GALNT16: variants seen among roughly 807,000 people sequenced by gnomAD.
The protein encoded by GALNT16 is UDP-GalNAc:polypeptide N-acetylgalactosaminyltransferase-like protein 1.
GALNT16 carries 40 observed loss-of-function variants against 76.1 expected under a neutral mutation model. That is an observed-to-expected ratio of 0.53 (90% confidence interval 0.41 to 0.68). The LOEUF (loss-of-function observed/expected upper bound fraction) is 0.68, where lower values mean the gene tolerates loss of function less well. GALNT16 is among the 30% of genes least tolerant of loss of function. The probability of loss-of-function intolerance (pLI) is 0.00; values close to 1 mark genes in which losing one functional copy is unlikely to be tolerated. For synonymous variants in GALNT16, 276 were observed against 285.2 expected (o/e 0.97, Z 0.32); for missense variants, 621 against 731.9 (o/e 0.85, Z 1.75).
intron 1 of GALNT16, among the ~76,000 whole-genome samples, chr14:69,275,248 C>A (rs1566860677): frequency 1.3e-5 from 2 of 152,276 alleles, no homozygotes; most frequent in Admixed American, 6.5e-5. Context: ...CAAAGTAGAA[C>A]CCCTGAGGTC....
At chr14:69,262,621 G>T (rs2140094192) in intron 1 of GALNT16, among the ~76,000 whole-genome samples, 1 of 152,278 alleles carries the variant, frequency 6.6e-6, no homozygotes, top group Non-Finnish European at 1.5e-5. Context: ...GAAGTCCCTG[G>T]GAGTGGCAGA....
At chr14:69,378,584 T>C in the GALNT16 span, among the ~76,000 whole-genome samples, 475 of 152,324 alleles carry the variant, frequency 3.1e-3, 4 homozygotes, top group African/African-American at 0.011. Flanking sequence ...AAATGTTTCT[T>C]TGTATTTATT....
At chr14:69,306,710 A>G (rs1228812472) in intron 1 of GALNT16, among the ~76,000 whole-genome samples, 2 of 152,194 alleles carry the variant, frequency 1.3e-5, no homozygotes, top group African/African-American at 4.8e-5. Flanking sequence ...ATACTTTCCA[A>G]AGGTTAAACT....
intron 12 of GALNT16, 87 bp from the exon 13 acceptor site, chr14:69,346,953 G>C (rs1007618916): frequency 6.4e-7 from 1 of 1,551,846 alleles, no homozygotes; most frequent in African/African-American, 1.4e-5. Context: ...GGCGCTCCCA[G>C]AGCTGATAGG....
intron 1 of GALNT16, among the ~76,000 whole-genome samples, chr14:69,285,057 T>TTTTTTAG (rs1357977014): frequency 6.6e-6 from 1 of 150,672 alleles, no homozygotes. Flanking sequence ...TTTTTTTTTT[T>TTTTTTAG]TGAGACGGAG....
intron 1 of GALNT16, among the ~76,000 whole-genome samples, chr14:69,262,247 G>T (rs2044285402): frequency 6.6e-6 from 1 of 152,220 alleles, no homozygotes. Context: ...GAGCACAGGA[G>T]ACTGCTGCTC....
the GALNT16 span, among the ~76,000 whole-genome samples, chr14:69,382,791 AAAG>A: frequency 2.1e-5 from 3 of 140,050 alleles, no homozygotes; most frequent in African/African-American, 7.9e-5. Flanking sequence ...TCTATCTCCA[AAAG>A]AAAAAAAAAA....
chr14:69,351,133 A>G (rs36088452), intron 14 of GALNT16: 36,577 of 152,224 alleles, frequency 0.24, 4,530 homozygotes, highest in South Asian at 0.32. Context: ...CAAAGAAGGC[A>G]GCTTCCCACT....
At chr14:69,330,978 T>C (rs565417299) in intron 6 of GALNT16, among the ~76,000 whole-genome samples, 1 of 152,262 alleles carries the variant, frequency 6.6e-6, no homozygotes, top group South Asian at 2.1e-4. Flanking sequence ...GCCCCTGCCC[T>C]CCAGCTGCTA....
At chr14:69,279,207 C>T (rs2044509600) in intron 1 of GALNT16, among the ~76,000 whole-genome samples, 2 of 152,232 alleles carry the variant, frequency 1.3e-5, no homozygotes, top group African/African-American at 2.4e-5. Context: ...GCTGAGATTA[C>T]AGGCGTGAGC....
the GALNT16 span, among the ~76,000 whole-genome samples, chr14:69,377,405 G>T: frequency 6.6e-6 from 1 of 152,016 alleles, no homozygotes; most frequent in Non-Finnish European, 1.5e-5. Flanking sequence ...ATCTCAAAGG[G>T]TTGCTGTGAT....
intron 1 of GALNT16, among the ~76,000 whole-genome samples, chr14:69,297,343 G>GT (rs1288236490): frequency 1.3e-5 from 2 of 152,080 alleles, no homozygotes; most frequent in Admixed American, 6.5e-5. Flanking sequence ...TAATAGTTCT[G>GT]TTTTTTAGCT....
intron 12 of GALNT16, among the ~76,000 whole-genome samples, chr14:69,344,231 G>C (rs1468550607): frequency 6.6e-6 from 1 of 152,264 alleles, no homozygotes; most frequent in Non-Finnish European, 1.5e-5. Context: ...GCTGGCCTCA[G>C]GAACTGCTAA....
intron 1 of GALNT16, among the ~76,000 whole-genome samples, chr14:69,289,174 A>G (rs1043450667): frequency 6.6e-6 from 1 of 152,176 alleles, no homozygotes; most frequent in African/African-American, 2.4e-5. Flanking sequence ...CACCATACCC[A>G]GTCAAATAGA....
intron 6 of GALNT16, among the ~76,000 whole-genome samples, chr14:69,330,408 CG>C (rs1566883356): frequency 6.6e-6 from 1 of 152,124 alleles, no homozygotes; most frequent in African/African-American, 2.4e-5. Flanking sequence ...GGTTTCTTGT[CG>C]GGGTGGTGAA....
intron 1 of GALNT16, among the ~76,000 whole-genome samples, chr14:69,312,259 AT>A (rs1298717494): frequency 2.0e-5 from 3 of 151,986 alleles, no homozygotes; most frequent in East Asian, 1.9e-4. Context: ...TCTAAAAAAA[AT>A]TTTTTTTAAA....
chr14:69,267,328 C>T (rs910233229), intron 1 of GALNT16, among the ~76,000 whole-genome samples: 4 of 152,108 alleles, frequency 2.6e-5, no homozygotes, highest in South Asian at 2.1e-4. Context: ...AAAGAGGGGG[C>T]GACTGGAAGA....
At chr14:69,337,251 C>T (rs1023188779) in intron 9 of GALNT16, among the ~76,000 whole-genome samples, 1 of 151,938 alleles carries the variant, frequency 6.6e-6, no homozygotes, top group Non-Finnish European at 1.5e-5. Context: ...TTTGAGTGAC[C>T]TTGGAGAGGT....
rs1016758998 is a variant in GALNT16 at position 69,354,304 on chromosome 14, G to A, written c.*2136G>A. The A allele has an allele frequency of 2.6e-5, 4 of 152,774 alleles. No homozygotes were observed. Among genetic ancestry groups the A allele is most frequent in the African/African-American group, 9.6e-5 (4 of 41,464 alleles). 9.5% of individuals were successfully genotyped at this position (152,774 alleles called of 1,614,324 possible). On this transcript the variant is annotated 3_prime_UTR_variant, in exon 15 of 15. Coordinates refer to ENST00000448469, the MANE Select transcript of GALNT16 (RefSeq NM_001168368.2). ...AGAGGGTCTCTCTGTCCTTTGCTGT[G>A]GTCAGATCAGGCTCTGCACTTATCA...
Sources: gnomAD v4.1 joint callset for allele counts (sites outside exome capture counted in the v4.1 genomes callset) on GRCh38, gnomAD v4.1.1 for gene constraint, MANE v1.5 for transcripts, NCBI Gene and HGNC (gene_info 2026-07-23, HGNC 2026-07-21) for gene names.